The following DNAJB4 variants were observed in gnomAD, a reference collection of about 807,000 sequenced individuals.
The protein encoded by DNAJB4 is DnaJ heat shock protein family (Hsp40) member B4, also known as dnaJ homolog subfamily B member 4.
In DNAJB4, 10 loss-of-function variants were observed where a neutral mutation model predicts 26.6. That is an observed-to-expected ratio of 0.38 (90% CI 0.23 to 0.64). The LOEUF (loss-of-function observed/expected upper bound fraction) is 0.64, where lower values mean the gene tolerates loss of function less well. DNAJB4 is among the 30% of genes least tolerant of loss of function. The pLI is 0.58. For synonymous variants in DNAJB4, 136 were observed against 134.8 expected (o/e 1.01, Z -0.06); for missense variants, 328 against 408.2 (o/e 0.80, Z 1.69).
intron 1 of DNAJB4, 91 bp downstream of exon 1, chr1:78,005,412 A>G: frequency 1.8e-6 from 2 of 1,106,740 alleles, no homozygotes; most frequent in Non-Finnish European, 2.5e-6. Flanking sequence ...CCTCTCTCTC[A>G]GCTTGTTAAG....
chr1:78,005,652 T>A (rs746426364), intron 1 of DNAJB4, among the ~76,000 whole-genome samples: 4 of 152,218 alleles, frequency 2.6e-5, no homozygotes, highest in Non-Finnish European at 2.9e-5. Context: ...TATTAGTAAA[T>A]TGTGTCAAAA....
At chr1:78,014,875 A>G (rs779919609) in intron 2 of DNAJB4, among the ~76,000 whole-genome samples, 5 of 152,128 alleles carry the variant, frequency 3.3e-5, no homozygotes, top group Non-Finnish European at 4.4e-5. Flanking sequence ...TGCTGGGACT[A>G]TAGGCATGAG....
intron 1 of DNAJB4, among the ~76,000 whole-genome samples, chr1:77,983,236 G>A (rs1016305690): frequency 1.3e-5 from 2 of 152,186 alleles, no homozygotes; most frequent in African/African-American, 4.8e-5. Flanking sequence ...ATTGCTGCCC[G>A]CAGGTCCCAC....
At chr1:77,990,570 A>G (rs979049044) in intron 1 of DNAJB4, among the ~76,000 whole-genome samples, 1 of 152,242 alleles carries the variant, frequency 6.6e-6, no homozygotes, top group Non-Finnish European at 1.5e-5. Context: ...AAAACTTACC[A>G]ACTATTGAAG....
upstream of DNAJB4, chr1:78,004,748 G>GA (rs527573785): frequency 2.1e-4 from 43 of 207,410 alleles, no homozygotes; most frequent in Middle Eastern, 2.0e-3. Context: ...GAGCTAGTCG[G>GA]AAAATGAATA....
chr1:78,004,564 T>G (rs1660277881), upstream of DNAJB4: 1 of 152,402 alleles, frequency 6.6e-6, no homozygotes, highest in African/African-American at 2.4e-5. Context: ...TAAAGTAGAA[T>G]TGTCGTTCCT....
At chr1:77,988,225 A>G (rs1659847081) in intron 1 of DNAJB4, among the ~76,000 whole-genome samples, 1 of 151,782 alleles carries the variant, frequency 6.6e-6, no homozygotes, top group African/African-American at 2.4e-5. Flanking sequence ...GTATTGTTAT[A>G]TTGTCCAGGC....
upstream of DNAJB4, chr1:78,004,429 G>T (rs923532418): frequency 6.6e-6 from 1 of 152,012 alleles, no homozygotes; most frequent in Non-Finnish European, 1.5e-5. Flanking sequence ...ACTTTCTGGC[G>T]TTTCTGATTG....
chr1:78,013,441 C>A lies in DNAJB4; in HGVS notation c.602C>A (p.Thr201Asn), dbSNP rs576624259. Residue 201 changes from threonine (T) to asparagine (N), a missense_variant, in exon 2 of 3, where the codon ACC (threonine) becomes AAC (asparagine). Coordinates refer to ENST00000370763, the MANE Select transcript of DNAJB4 (RefSeq NM_007034.5). ...TACAGATCTGAGGACAAAATTCTTA[C>A]CATTGAGATTAAAAAAGGGTGGAAA... Reference protein sequence around the residue: ...RSYRSEDKILTIEIKKGWKEG... With the variant: ...RSYRSEDKILNIEIKKGWKEG... The A allele has an allele frequency of 5.4e-5, 87 of 1,613,908 alleles. No individual in the cohort carries two copies. Among genetic ancestry groups the A allele is most frequent in the Non-Finnish European group, 6.9e-5 (81 of 1,180,004 alleles).
intron 2 of DNAJB4, among the ~76,000 whole-genome samples, chr1:78,015,272 T>C (rs1027523726): frequency 2.0e-5 from 3 of 152,192 alleles, no homozygotes; most frequent in African/African-American, 7.2e-5. Context: ...CTTGTCCTAA[T>C]ACTTTCCAGA....
intron 1 of DNAJB4, among the ~76,000 whole-genome samples, chr1:78,012,427 G>T (rs772227588): frequency 1.3e-4 from 20 of 151,640 alleles, no homozygotes; most frequent in Non-Finnish European, 2.9e-4. Context: ...CTCCCAAAGT[G>T]TTGGGATTAC....
At chr1:77,987,794 C>T (rs926830865) in intron 1 of DNAJB4, among the ~76,000 whole-genome samples, 3 of 151,940 alleles carry the variant, frequency 2.0e-5, no homozygotes, top group African/African-American at 7.3e-5. Context: ...ACATCATGGT[C>T]CAAACCACCT....
upstream of DNAJB4, among the ~76,000 whole-genome samples, chr1:78,000,143 A>C (rs967765096): frequency 1.3e-5 from 2 of 152,066 alleles, no homozygotes; most frequent in African/African-American, 4.8e-5. Context: ...TGTATGTGTG[A>C]GTGTGTGTGC....
At chr1:77,979,256 G>A (rs926494837), upstream of DNAJB4, 4 of 467,134 alleles carry the variant, frequency 8.6e-6, no homozygotes, top group Non-Finnish European at 7.7e-6. Flanking sequence ...CGCGAGAACA[G>A]AATTTCTTTT....
chr1:77,998,661 G>A (rs916139560), intron 1 of DNAJB4, among the ~76,000 whole-genome samples: 10 of 152,020 alleles, frequency 6.6e-5, no homozygotes, highest in Non-Finnish European at 1.5e-4. Flanking sequence ...GCAACATGGC[G>A]AAACCTCATC....
intron 2 of DNAJB4, among the ~76,000 whole-genome samples, chr1:78,014,749 C>T (rs1048194758): frequency 6.6e-5 from 10 of 151,990 alleles, no homozygotes; most frequent in South Asian, 4.2e-4. Context: ...TACAGGTGCC[C>T]GCCACCATGC....
chr1:77,982,301 T>C (rs759678557), intron 1 of DNAJB4, among the ~76,000 whole-genome samples: 73 of 152,368 alleles, frequency 4.8e-4, no homozygotes, highest in Non-Finnish European at 8.1e-4. Context: ...TTACTGTTCT[T>C]ATTCTCCCTT....
At chr1:77,986,749 C>G (rs906158867) in intron 1 of DNAJB4, among the ~76,000 whole-genome samples, 7 of 152,126 alleles carry the variant, frequency 4.6e-5, no homozygotes, top group Non-Finnish European at 8.8e-5. Flanking sequence ...ATACTTTTGA[C>G]CACAAGTAAT....
intron 1 of DNAJB4, among the ~76,000 whole-genome samples, chr1:77,988,029 AT>A (rs1166224217): frequency 0.018 from 2,153 of 116,782 alleles, 33 homozygotes; most frequent in Middle Eastern, 0.03. Context: ...GTGTGTGTGT[AT>A]TTCCCCCCCC....
Sources: gnomAD v4.1 joint callset for allele counts (sites outside exome capture counted in the v4.1 genomes callset) on GRCh38, gnomAD v4.1.1 for gene constraint, MANE v1.5 for transcripts, NCBI Gene and HGNC (gene_info 2026-07-23, HGNC 2026-07-21) for gene names.